Variants in GALNTL6 observed in about 807,000 individuals in gnomAD.
The protein encoded by GALNTL6 is polypeptide N-acetylgalactosaminyltransferase-like 6.
A neutral mutation model predicts 73.7 loss-of-function variants in GALNTL6; 46 were observed. That is an observed-to-expected ratio of 0.62 (90% CI 0.49 to 0.80). GALNTL6 has a LOEUF of 0.80. Among genes scored for constraint, GALNTL6 ranks in the 30% least tolerant of loss-of-function variants. GALNTL6 has a pLI of 0.00. For synonymous variants in GALNTL6, 259 were observed against 263.7 expected, an observed-to-expected ratio of 0.98 and a Z score of 0.17; for missense variants, 604 against 755.0, an observed-to-expected ratio of 0.80 and a Z score of 2.34.
At chr4:172,805,626 T>A (rs1342123408) in intron 5 of GALNTL6, among the ~76,000 whole-genome samples, 6 of 152,186 alleles carry the variant, frequency 3.9e-5, no homozygotes, top group Non-Finnish European at 4.4e-5. Flanking sequence ...CTGCCTGGCT[T>A]ATAAATAAAA....
intron 7 of GALNTL6, among the ~76,000 whole-genome samples, chr4:172,840,877 G>A (rs1743170367): frequency 6.6e-6 from 1 of 152,146 alleles, no homozygotes; most frequent in South Asian, 2.1e-4. Flanking sequence ...CAACACTCTT[G>A]CTCAAGACAT....
At chr4:172,516,417 G>A (rs895805985) in intron 5 of GALNTL6, among the ~76,000 whole-genome samples, 1 of 151,992 alleles carries the variant, frequency 6.6e-6, no homozygotes, top group Non-Finnish European at 1.5e-5. Flanking sequence ...TTATTGAATC[G>A]AGTAATATTC....
At chr4:171,900,749 CAATT>C (rs1737065093) in intron 2 of GALNTL6, among the ~76,000 whole-genome samples, 1 of 151,742 alleles carries the variant, frequency 6.6e-6, no homozygotes, top group Admixed American at 6.6e-5. Flanking sequence ...AGAAAACAAT[CAATT>C]GAGATTGATG....
chr4:172,955,276 G>A (rs1330240714), intron 10 of GALNTL6, among the ~76,000 whole-genome samples: 6 of 151,936 alleles, frequency 3.9e-5, no homozygotes, highest in Non-Finnish European at 5.9e-5. Context: ...TCAGGAGTTC[G>A]AGACCAGCCT....
chr4:172,935,941 A>G (rs1385320264), intron 9 of GALNTL6, among the ~76,000 whole-genome samples: 1 of 152,212 alleles, frequency 6.6e-6, no homozygotes, highest in Non-Finnish European at 1.5e-5. Context: ...TGAGGCCAGC[A>G]TCATCCTGAT....
intron 5 of GALNTL6, among the ~76,000 whole-genome samples, chr4:172,490,570 T>G (rs1311981235): frequency 6.6e-6 from 1 of 152,176 alleles, no homozygotes; most frequent in African/African-American, 2.4e-5. Context: ...ATTTGGATGC[T>G]CATGCTACTC....
At chr4:172,116,854 A>T (rs1357915544) in intron 2 of GALNTL6, among the ~76,000 whole-genome samples, 1 of 152,176 alleles carries the variant, frequency 6.6e-6, no homozygotes, top group Non-Finnish European at 1.5e-5. Flanking sequence ...AAGCAAATAT[A>T]AGCTTTTTGT....
rs142050886 is a variant in GALNTL6 at position 172,107,027 on chromosome 4, C to T, written c.139-122629C>T. 4.0e-3 allele frequency among the ~76,000 whole-genome samples: 607 copies of T among 152,286 alleles called. 3 individuals are homozygous for T. The highest frequency in any genetic ancestry group is 0.013 in the African/African-American group (561 of 41,574). On this transcript the variant is annotated intron_variant, in intron 2 of 12. Coordinates refer to ENST00000506823, the MANE Select transcript of GALNTL6 (RefSeq NM_001034845.3). ...TAGCTGGGATTACAGGCATGTGCCA[C>T]CACGCCCGGATAATTTTGTATTTTT...
intron 2 of GALNTL6, among the ~76,000 whole-genome samples, chr4:172,220,113 A>G (rs188461864): frequency 5.3e-5 from 8 of 151,926 alleles, no homozygotes; most frequent in Admixed American, 3.9e-4. Context: ...AAATGATTAA[A>G]TAACATAAGA....
chr4:172,765,936 C>T (rs1167921901), intron 5 of GALNTL6, among the ~76,000 whole-genome samples: 8 of 151,682 alleles, frequency 5.3e-5, no homozygotes, highest in Admixed American at 5.3e-4. Flanking sequence ...ATTTCAAGGC[C>T]ATATTTCAGA....
chr4:172,738,624 A>G (rs149875409), intron 5 of GALNTL6, among the ~76,000 whole-genome samples: 82 of 152,314 alleles, frequency 5.4e-4, no homozygotes, highest in African/African-American at 1.8e-3. Context: ...CAAACTCTGT[A>G]AAATATTTGA....
At chr4:172,965,379 G>A (rs1406519236) in intron 10 of GALNTL6, among the ~76,000 whole-genome samples, 1 of 152,124 alleles carries the variant, frequency 6.6e-6, no homozygotes, top group East Asian at 1.9e-4. Context: ...AAGGTCAGGA[G>A]ATTGAGACCA....
chr4:171,948,176 A>G (rs1034642042), intron 2 of GALNTL6, among the ~76,000 whole-genome samples: 5 of 346 alleles, frequency 0.014, no homozygotes, highest in Admixed American at 0.17. Flanking sequence ...AATTTTTGGA[A>G]AAAAAAAATG....
At chr4:172,734,140 A>G (rs1246179235) in intron 5 of GALNTL6, among the ~76,000 whole-genome samples, 1 of 152,150 alleles carries the variant, frequency 6.6e-6, no homozygotes, top group African/African-American at 2.4e-5. Context: ...TGCCTTCGAG[A>G]TCTGTGGAAC....
chr4:172,597,452 C>A (rs1437366348), intron 5 of GALNTL6, among the ~76,000 whole-genome samples: 1 of 152,158 alleles, frequency 6.6e-6, no homozygotes, highest in African/African-American at 2.4e-5. Context: ...GGAAATACTT[C>A]AGGCTCAGCA....
intron 5 of GALNTL6, among the ~76,000 whole-genome samples, chr4:172,472,319 C>T (rs1002104316): frequency 1.3e-5 from 2 of 152,184 alleles, no homozygotes; most frequent in African/African-American, 4.8e-5. Flanking sequence ...TCTGTATCCA[C>T]ACTGAAAGCA....
At chr4:172,532,122 A>G (rs1351318276) in intron 5 of GALNTL6, among the ~76,000 whole-genome samples, 1 of 152,166 alleles carries the variant, frequency 6.6e-6, no homozygotes. Context: ...CAGGTTATGT[A>G]TGAGTTGGAT....
At chr4:172,762,605 T>C (rs1738174864) in intron 5 of GALNTL6, among the ~76,000 whole-genome samples, 1 of 152,166 alleles carries the variant, frequency 6.6e-6, no homozygotes, top group South Asian at 2.1e-4. Context: ...TTATAGAATT[T>C]TCTTTAACAT....
chr4:172,727,083 G>T (rs6843452), intron 5 of GALNTL6, among the ~76,000 whole-genome samples: 6,967 of 152,188 alleles, frequency 0.046, 295 homozygotes, highest in African/African-American at 0.11. Flanking sequence ...AAATAACAAT[G>T]AATATTTTTC....
Sources: allele counts gnomAD v4.1 joint callset (sites outside exome capture counted in the v4.1 genomes callset), GRCh38; gene constraint gnomAD v4.1.1; transcripts MANE v1.5; gene names NCBI Gene and HGNC (gene_info 2026-07-23, HGNC 2026-07-21).